Variants in CARF observed in about 807,000 individuals in gnomAD.
The protein encoded by CARF is calcium-responsive transcription factor.
A neutral mutation model predicts 82.0 loss-of-function variants in CARF; 57 were observed. The observed-to-expected ratio is 0.70, with a 90% confidence interval of 0.56 to 0.87. The LOEUF is 0.87. CARF is among the 40% of genes least tolerant of loss of function. The pLI, the probability that CARF is intolerant of heterozygous loss-of-function variation, is 0.00. For missense variants in CARF, 771 were observed against 855.8 expected (o/e 0.90, Z 1.24); for synonymous variants, 268 against 290.1 (o/e 0.92, Z 0.77).
intron 1 of CARF, among the ~76,000 whole-genome samples, chr2:202,916,749 T>C (rs796254718): frequency 5.3e-5 from 8 of 152,220 alleles, no homozygotes; most frequent in African/African-American, 1.7e-4. Context: ...ACATAAGAAA[T>C]TGCCTCCAAA....
chr2:202,954,274 T>C (rs2058920828), intron 7 of CARF, 140 bp downstream of exon 7: 2 of 1,034,810 alleles, frequency 1.9e-6, no homozygotes, highest in Non-Finnish European at 2.6e-6. Context: ...TTAGTTATTT[T>C]AAGGCATCTT....
At position 202,982,118 on chromosome 2, in the gene CARF, C is replaced by A; in HGVS notation, c.1736C>A (p.Ala579Asp). ...PRYTSPDESP[A>D]VVSVNNQPSS... ...TACACCTCTCCTGATGAATCACCAG[C>A]TGTGGTATCAGTAAATAACCAGCCG... The change falls in exon 16 of 17, where the codon GCT (alanine) becomes GAT (aspartate). Residue 579 changes from alanine to aspartate, a missense_variant. Physicochemically the swap from Ala to Asp is moderately radical, Grantham distance 126. Transcript: ENST00000438828. 6.2e-7 allele frequency: 1 copy of A among 1,614,062 alleles called. No individual in the cohort carries two copies. Among genetic ancestry groups the A allele is most frequent in the Non-Finnish European group, 8.5e-7 (1 of 1,179,902 alleles).
intron 9 of CARF, 45 bp downstream of exon 9, chr2:202,961,471 A>C (rs776948084): frequency 1.2e-5 from 18 of 1,537,404 alleles, no homozygotes; most frequent in Middle Eastern, 1.7e-4. Context: ...CAGCAGCCAT[A>C]GTCCATTGTC....
At position 202,982,528 on chromosome 2, in the gene CARF, C is replaced by T. The variant is rs1023420840; in HGVS notation, c.2059+87C>T. 1.5e-5 allele frequency: 22 copies of T among 1,445,730 alleles called. No homozygotes were observed. In the African/African-American group the frequency reaches 2.2e-4, roughly 14 times the overall value. 89.6% of individuals were successfully genotyped at this position (1,445,730 alleles called of 1,614,324 possible). Reference sequence around the variant, plus strand: ...TATACTATAGATAAAACTATTATTTCTACCCAGTGGGTCTATGATATTATG... The same window carrying T: ...TATACTATAGATAAAACTATTATTTTTACCCAGTGGGTCTATGATATTATG... On this transcript the variant is annotated intron_variant, in intron 16 of 16. Transcript: ENST00000438828.
rs982136340 is a variant in CARF at position 202,933,403 on chromosome 2, G to A, written c.-43-8457G>A. ...GGACACAGTGTCGGTTTCTTCTCTCGGGGTAGCACAGCAGTGTGGACTCCA... is the reference window on the plus strand; with the variant it reads ...GGACACAGTGTCGGTTTCTTCTCTCAGGGTAGCACAGCAGTGTGGACTCCA... On this transcript the variant is annotated intron_variant, in intron 3 of 16. Transcript: ENST00000438828. Among the ~76,000 whole-genome samples the A allele has an allele frequency of 7.3e-5, 11 of 151,364 alleles. No individual in the cohort carries two copies. The East Asian group carries it at 1.5e-3, about 21-fold the overall frequency.
intron 14 of CARF, among the ~76,000 whole-genome samples, chr2:202,980,541 G>T (rs2060204781): frequency 6.9e-6 from 1 of 144,888 alleles, no homozygotes; most frequent in Non-Finnish European, 1.5e-5. Context: ...CACACTTCTA[G>T]AGAAGTTTAG....
chr2:202,920,150 TCATAA>T (rs1285549309), intron 2 of CARF, among the ~76,000 whole-genome samples: 1 of 151,940 alleles, frequency 6.6e-6, no homozygotes, highest in Non-Finnish European at 1.5e-5. Flanking sequence ...ACAATTAAAT[TCATAA>T]TCTTTTTTTT....
At chr2:202,970,864 T>C (rs911252844) in intron 11 of CARF, among the ~76,000 whole-genome samples, 6 of 151,894 alleles carry the variant, frequency 4.0e-5, no homozygotes, top group Middle Eastern at 3.2e-3. Context: ...CTTTTCTTTT[T>C]TTTTTTTTTT....
intron 8 of CARF, among the ~76,000 whole-genome samples, chr2:202,959,914 C>T (rs541421059): frequency 1.3e-5 from 2 of 151,936 alleles, no homozygotes; most frequent in African/African-American, 2.4e-5. Flanking sequence ...TATTTATTTA[C>T]ACCTTTCCTT....
intron 3 of CARF, among the ~76,000 whole-genome samples, chr2:202,936,762 T>A (rs974262018): frequency 6.6e-6 from 1 of 152,242 alleles, no homozygotes; most frequent in Non-Finnish European, 1.5e-5. Flanking sequence ...GGTTGTCTTT[T>A]AACTCTTGTC....
intron 3 of CARF, among the ~76,000 whole-genome samples, chr2:202,937,459 ATT>A (rs1040335389): frequency 7.2e-6 from 1 of 138,696 alleles, no homozygotes; most frequent in Non-Finnish European, 1.5e-5. Context: ...TTTTTGAAAT[ATT>A]TTTTTTTGCT....
intron 8 of CARF, among the ~76,000 whole-genome samples, chr2:202,956,634 A>G (rs904332313): frequency 6.6e-6 from 1 of 152,110 alleles, no homozygotes; most frequent in East Asian, 1.9e-4. Flanking sequence ...CAAATTCACC[A>G]TATCCCATAC....
rs1159471962 is a variant in CARF, at chr2:202,977,321, C to CT, written c.1547_1548insT (p.Phe517IlefsTer27). 1 of 1,611,322 alleles carries CT rather than the reference C, an allele frequency of 6.2e-7. No homozygotes were observed. The highest frequency in any genetic ancestry group is 8.5e-7 in the Non-Finnish European group (1 of 1,178,094). ...ATTCTCAAAGAGACCATGACAGTTACATTTGCAGAAGGTAGGTTTTCTTGA... is the reference window on the plus strand; with the variant it reads ...ATTCTCAAAGAGACCATGACAGTTACTATTTGCAGAAGGTAGGTTTTCTTGA... On this transcript the variant is annotated frameshift_variant, in exon 14 of 17. Transcript: ENST00000438828. LOFTEE classifies it high-confidence loss of function.
intron 1 of CARF, among the ~76,000 whole-genome samples, chr2:202,916,367 G>A (rs2105932508): frequency 6.6e-6 from 1 of 152,024 alleles, no homozygotes; most frequent in East Asian, 1.9e-4. Flanking sequence ...ATTTTTAGTA[G>A]AGATGGGGTT....
At chr2:202,966,609 C>A (rs1324207936) in intron 9 of CARF, among the ~76,000 whole-genome samples, 1 of 151,972 alleles carries the variant, frequency 6.6e-6, no homozygotes, top group Admixed American at 6.6e-5. Context: ...ACTTGGGAGG[C>A]TGAGGCAGGA....
chr2:202,987,349 T>C lies in CARF; in HGVS notation c.*3725T>C, dbSNP rs2060482721. ...CAAAAGAGAAGGGATTATTAATTTT[T>C]TCCCTCTTTGCTTTTTTTTAAACTT... is the stretch of plus-strand genomic sequence containing the variant. On this transcript the variant is annotated 3_prime_UTR_variant, in exon 17 of 17. Transcript: ENST00000438828. Among the ~76,000 whole-genome samples, 1 of 151,954 alleles carries C rather than the reference T, an allele frequency of 6.6e-6. No homozygotes were observed. Among genetic ancestry groups the C allele is most frequent in the African/African-American group, 2.4e-5 (1 of 41,368 alleles).
At chr2:202,927,948 A>G (rs1692173582) in intron 3 of CARF, among the ~76,000 whole-genome samples, 1 of 152,022 alleles carries the variant, frequency 6.6e-6, no homozygotes, top group African/African-American at 2.4e-5. Context: ...ACGGGTGTAC[A>G]CCACCATGCC....
At chr2:202,949,044 G>T (rs2058633800) in intron 5 of CARF, among the ~76,000 whole-genome samples, 1 of 152,046 alleles carries the variant, frequency 6.6e-6, no homozygotes, top group Non-Finnish European at 1.5e-5. Flanking sequence ...TTTTTTAAGA[G>T]AAATGTCTCA....
chr2:202,957,242 T>A (rs533856802), intron 8 of CARF, among the ~76,000 whole-genome samples: 2 of 152,348 alleles, frequency 1.3e-5, no homozygotes, highest in East Asian at 3.9e-4. Context: ...ATGTATATTT[T>A]TCTAAGGCTA....
Sources: allele counts gnomAD v4.1 joint callset (sites outside exome capture counted in the v4.1 genomes callset), GRCh38; gene constraint gnomAD v4.1.1; transcripts MANE v1.5; gene names NCBI Gene and HGNC (gene_info 2026-07-23, HGNC 2026-07-21).